The following OXR1 variants were observed in gnomAD, a reference collection of about 807,000 sequenced individuals.
The protein encoded by OXR1 is oxidation resistance protein 1.
In OXR1, 41 loss-of-function variants were observed where a neutral mutation model predicts 104.6. The observed-to-expected ratio is 0.39, with a 90% CI of 0.31 to 0.51. The LOEUF (loss-of-function observed/expected upper bound fraction) is 0.51, where lower values mean the gene tolerates loss of function less well. OXR1 is among the 20% of genes least tolerant of loss of function. The pLI is 0.77. For synonymous variants in OXR1, 348 were observed against 348.4 expected, an observed-to-expected ratio of 1.00 and a Z score of 0.01; for missense variants, 955 against 1,031.9, an observed-to-expected ratio of 0.93 and a Z score of 1.02.
intron 11 of OXR1, among the ~76,000 whole-genome samples, chr8:106,715,330 T>G (rs1232616279): frequency 6.6e-6 from 1 of 151,230 alleles, no homozygotes; most frequent in African/African-American, 2.4e-5. Context: ...GGGAACTTTA[T>G]TGCGTTCTGG....
rs565950947 is a variant in OXR1 at position 106,290,290 on chromosome 8, C to T, written c.-139+19923C>T. ...CTGGACCCTTACTTTTCACCAAATA[C>T]GATAATTAACTCAAGTTGGATTAAA... On this transcript the variant is annotated intron_variant, in intron 1 of 16. Coordinates refer to ENST00000517566, the MANE Select transcript of OXR1 (RefSeq NM_001198533.2). Among the ~76,000 whole-genome samples, 202 of 152,200 alleles carry T rather than the reference C, an allele frequency of 1.3e-3. 3 individuals are homozygous for T. Among genetic ancestry groups the T allele is most frequent in the South Asian group, 2.1e-3 (10 of 4,824 alleles).
chr8:106,506,189 G>T (rs185567229), intron 2 of OXR1, among the ~76,000 whole-genome samples: 173 of 152,286 alleles, frequency 1.1e-3, no homozygotes, highest in African/African-American at 4.0e-3. Context: ...AGGAAAGTCA[G>T]GGTCAAGTTT....
intron 3 of OXR1, among the ~76,000 whole-genome samples, chr8:106,641,093 T>C (rs1202938763): frequency 1.3e-5 from 2 of 152,228 alleles, no homozygotes; most frequent in African/African-American, 4.8e-5. Flanking sequence ...TTACAACATA[T>C]AAATTTGCTA....
At chr8:106,406,770 G>A (rs144623368) in intron 2 of OXR1, among the ~76,000 whole-genome samples, 1 of 152,168 alleles carries the variant, frequency 6.6e-6, no homozygotes, top group African/African-American at 2.4e-5. Flanking sequence ...CTATAATGGT[G>A]GATACCTGTC....
chr8:106,628,145 T>C (rs1438999390), intron 3 of OXR1, among the ~76,000 whole-genome samples: 1 of 152,314 alleles, frequency 6.6e-6, no homozygotes, highest in East Asian at 1.9e-4. Context: ...TGTGGGTCTT[T>C]CAGGGTTTCT....
At chr8:106,376,203 C>T (rs1563744075) in intron 2 of OXR1, among the ~76,000 whole-genome samples, 1 of 152,290 alleles carries the variant, frequency 6.6e-6, no homozygotes, top group East Asian at 1.9e-4. Context: ...AAGGTGAAAA[C>T]ATTCCTGATA....
intron 3 of OXR1, among the ~76,000 whole-genome samples, chr8:106,664,730 A>T (rs1407302974): frequency 6.6e-6 from 1 of 152,226 alleles, no homozygotes; most frequent in African/African-American, 2.4e-5. Flanking sequence ...AACATTTATT[A>T]TATTTAAAAC....
chr8:106,386,045 CT>C (rs1341150851), intron 2 of OXR1, among the ~76,000 whole-genome samples: 1 of 151,946 alleles, frequency 6.6e-6, no homozygotes, highest in Non-Finnish European at 1.5e-5. Context: ...CTGGTCTGGT[CT>C]TTGGCATTAT....
chr8:106,601,616 G>T (rs965635930), intron 3 of OXR1, among the ~76,000 whole-genome samples: 1 of 152,130 alleles, frequency 6.6e-6, no homozygotes, highest in East Asian at 1.9e-4. Context: ...TTGGGTTTGG[G>T]TTTCCATATA....
At chr8:106,435,905 G>C (rs2130575205) in intron 2 of OXR1, among the ~76,000 whole-genome samples, 1 of 152,198 alleles carries the variant, frequency 6.6e-6, no homozygotes, top group Non-Finnish European at 1.5e-5. Flanking sequence ...ATGACCAAAA[G>C]TGATCTAACC....
chr8:106,708,269 C>T (rs1831343261), intron 9 of OXR1, among the ~76,000 whole-genome samples: 1 of 151,956 alleles, frequency 6.6e-6, no homozygotes, highest in Non-Finnish European at 1.5e-5. Context: ...GGTGATGGTG[C>T]ACACCTGTAG....
At chr8:106,677,744 T>G (rs1287626988) in intron 3 of OXR1, among the ~76,000 whole-genome samples, 1 of 152,084 alleles carries the variant, frequency 6.6e-6, no homozygotes, top group Non-Finnish European at 1.5e-5. Context: ...GTAGAATATG[T>G]GTATGTATGC....
intron 1 of OXR1, among the ~76,000 whole-genome samples, chr8:106,278,385 C>T (rs187155691): frequency 7.2e-5 from 11 of 152,142 alleles, no homozygotes; most frequent in Non-Finnish European, 1.5e-4. Flanking sequence ...ACCTTACTAA[C>T]CTCTGGTCCT....
chr8:106,399,751 A>C (rs1391479628), intron 2 of OXR1, among the ~76,000 whole-genome samples: 2 of 152,176 alleles, frequency 1.3e-5, no homozygotes, highest in Admixed American at 6.6e-5. Flanking sequence ...AATGAGAGGC[A>C]GGGCACAAAG....
intron 5 of OXR1, 73 bp downstream of exon 5, chr8:106,683,379 T>C (rs1415240536): frequency 3.1e-6 from 2 of 638,134 alleles, no homozygotes; most frequent in Non-Finnish European, 5.5e-6. Flanking sequence ...TATTGTACTG[T>C]AGTTAATAAT....
intron 3 of OXR1, among the ~76,000 whole-genome samples, chr8:106,549,642 A>C (rs979048925): frequency 8.5e-5 from 13 of 152,208 alleles, no homozygotes; most frequent in African/African-American, 2.7e-4. Flanking sequence ...TGGAGAGTTC[A>C]AGATCAACGC....
chr8:106,288,568 T>TG (rs1491551474), intron 1 of OXR1, among the ~76,000 whole-genome samples: 7 of 145,140 alleles, frequency 4.8e-5, no homozygotes, highest in African/African-American at 1.9e-4. Context: ...TGTATATATA[T>TG]GGTGTGTATA....
chr8:106,337,939 G>A (rs1815031343), intron 1 of OXR1, among the ~76,000 whole-genome samples: 1 of 152,098 alleles, frequency 6.6e-6, no homozygotes, highest in Admixed American at 6.6e-5. Context: ...CTTTTTATAG[G>A]TTTAGGAGAA....
intron 3 of OXR1, among the ~76,000 whole-genome samples, chr8:106,632,296 C>T (rs1822754261): frequency 6.6e-6 from 1 of 152,136 alleles, no homozygotes; most frequent in Admixed American, 6.5e-5. Flanking sequence ...TTACATAAAA[C>T]ATGTTCTGTG....
Sources: gnomAD v4.1 joint callset for allele counts (sites outside exome capture counted in the v4.1 genomes callset) on GRCh38, gnomAD v4.1.1 for gene constraint, MANE v1.5 for transcripts, NCBI Gene and HGNC (gene_info 2026-07-23, HGNC 2026-07-21) for gene names.